The following TLK2 variants were observed in gnomAD, a reference collection of about 807,000 sequenced individuals.
The protein encoded by TLK2 is tousled like kinase 2.
TLK2 carries 6 observed loss-of-function variants against 117.3 expected under a neutral mutation model. That is an observed-to-expected ratio of 0.05 (90% CI 0.03 to 0.10). The LOEUF (loss-of-function observed/expected upper bound fraction) is 0.10, where lower values mean the gene tolerates loss of function less well. Among genes scored for constraint, TLK2 ranks in the 10% least tolerant of loss-of-function variants. TLK2 has a pLI of 1.00. For missense variants in TLK2, 299 were observed against 901.2 expected (o/e 0.33, Z 8.56); for synonymous variants, 257 against 316.7 (o/e 0.81, Z 2.00).
intron 6 of TLK2, among the ~76,000 whole-genome samples, chr17:62,534,881 CTT>C (rs386386398): frequency 1.4e-5 from 1 of 72,986 alleles, no homozygotes. Context: ...TAATTCCAGT[CTT>C]TTTTTTTTTT....
At chr17:62,571,889 CG>C (rs1455147804) in intron 11 of TLK2, among the ~76,000 whole-genome samples, 5 of 148,026 alleles carry the variant, frequency 3.4e-5, no homozygotes, top group African/African-American at 1.2e-4. Flanking sequence ...TAGATTTTGC[CG>C]GGCACGGTGG....
At chr17:62,577,744 C>T (rs2080916305) in intron 13 of TLK2, among the ~76,000 whole-genome samples, 1 of 152,096 alleles carries the variant, frequency 6.6e-6, no homozygotes, top group Admixed American at 6.6e-5. Context: ...GTTCTCAGAG[C>T]TTGTTAAATA....
chr17:62,488,566 C>T (rs1206426996), intron 2 of TLK2, among the ~76,000 whole-genome samples: 1 of 152,044 alleles, frequency 6.6e-6, no homozygotes, highest in Non-Finnish European at 1.5e-5. Flanking sequence ...ATTTGATTTC[C>T]TCCTTATTTC....
intron 7 of TLK2, 150 bp from the exon 8 acceptor site, chr17:62,552,152 C>G: frequency 2.3e-6 from 2 of 886,980 alleles, no homozygotes; most frequent in South Asian, 1.7e-5. Context: ...GTTTTACTTT[C>G]TTCTTGGCCA....
intron 6 of TLK2, among the ~76,000 whole-genome samples, chr17:62,531,982 G>T (rs984330614): frequency 6.6e-5 from 10 of 152,112 alleles, no homozygotes; most frequent in Non-Finnish European, 1.5e-4. Flanking sequence ...TCTCCCTTGG[G>T]TGGGCTTTGG....
intron 19 of TLK2, 115 bp downstream of exon 19, chr17:62,602,295 CAAAGCAGA>C: frequency 9.5e-7 from 1 of 1,048,416 alleles, no homozygotes; most frequent in South Asian, 2.3e-5. Context: ...TGCCATAAAC[CAAAGCAGA>C]CTTTCTCCCC....
intron 2 of TLK2, among the ~76,000 whole-genome samples, chr17:62,492,999 G>T (rs879368511): frequency 6.6e-6 from 1 of 152,096 alleles, no homozygotes; most frequent in Non-Finnish European, 1.5e-5. Flanking sequence ...TTAGGAGGCT[G>T]ATGCAAGAGA....
At chr17:62,565,583 T>A (rs1206116450) in intron 11 of TLK2, among the ~76,000 whole-genome samples, 1 of 133,528 alleles carries the variant, frequency 7.5e-6, no homozygotes, top group Non-Finnish European at 1.5e-5. Context: ...ACCTGGGAGG[T>A]GGAGGTTGCA....
intron 2 of TLK2, chr17:62,516,562 C>T: frequency 6.2e-7 from 1 of 1,609,464 alleles, no homozygotes. Context: ...GGTAAGGTAC[C>T]AGTAGAAATG....
chr17:62,539,782 C>T lies in TLK2; in HGVS notation c.531+3445C>T, dbSNP rs142146949. On this transcript the variant is annotated intron_variant, in intron 7 of 21. Transcript: ENST00000346027. ...CTCCCCAAAGTTCTGGGATTACAGA[C>T]GGGAGCCACCACACCCAGCCTTCTT... Among the ~76,000 whole-genome samples the T allele has an allele frequency of 5.6e-3, 851 of 152,220 alleles. 7 individuals are homozygous for T. Among genetic ancestry groups the T allele is most frequent in the African/African-American group, 0.02 (821 of 41,554 alleles).
chr17:62,547,975 ATTGT>A (rs1432993735), intron 7 of TLK2, among the ~76,000 whole-genome samples: 19 of 151,978 alleles, frequency 1.3e-4, no homozygotes, highest in African/African-American at 4.6e-4. Context: ...TTGGTATCTG[ATTGT>A]TTGTATTATA....
At chr17:62,494,346 G>A (rs2073427099) in intron 2 of TLK2, among the ~76,000 whole-genome samples, 1 of 151,984 alleles carries the variant, frequency 6.6e-6, no homozygotes, top group African/African-American at 2.4e-5. Context: ...GCCTCCGAAA[G>A]TGCTGGGATT....
rs199986685 is a variant in TLK2, at chr17:62,523,126, A to G, written c.224-8A>G. On this transcript the variant is annotated splice_polypyrimidine_tract_variant and splice_region_variant and intron_variant, in intron 4 of 21. Coordinates refer to ENST00000346027, the MANE Select transcript of TLK2 (RefSeq NM_006852.6). ...GAAAAACTGTATTTACTTTGGTTTCATTTTCAGGGAAAGGCACTCCTAGGG... is the reference window on the plus strand; with the variant it reads ...GAAAAACTGTATTTACTTTGGTTTCGTTTTCAGGGAAAGGCACTCCTAGGG... The G allele has an allele frequency of 2.4e-4, 381 of 1,588,618 alleles. 2 individuals carry two copies. The Middle Eastern group carries it at 5.9e-3, about 25-fold the overall frequency.
chr17:62,540,418 T>TTTTTTTTTTTTTG, intron 7 of TLK2, among the ~76,000 whole-genome samples: 1 of 114,718 alleles, frequency 8.7e-6, no homozygotes, highest in Non-Finnish European at 1.8e-5. Flanking sequence ...TTTTTTTTTT[T>TTTTTTTTTTTTTG]TTTTTGAGAC....
intron 2 of TLK2, among the ~76,000 whole-genome samples, chr17:62,504,552 T>G (rs894094628): frequency 6.6e-6 from 1 of 152,156 alleles, no homozygotes; most frequent in Non-Finnish European, 1.5e-5. Flanking sequence ...GCCTATAATC[T>G]GTGCACTTTG....
intron 16 of TLK2, among the ~76,000 whole-genome samples, chr17:62,592,356 A>G (rs372219793): frequency 1.4e-4 from 22 of 152,342 alleles, no homozygotes; most frequent in African/African-American, 5.1e-4. Context: ...TATACAGTAC[A>G]CTTTTGTTCC....
intron 2 of TLK2, among the ~76,000 whole-genome samples, chr17:62,515,065 C>T (rs996211865): frequency 5.3e-5 from 8 of 152,238 alleles, no homozygotes; most frequent in Non-Finnish European, 8.8e-5. Context: ...TACCATTCTA[C>T]TTTCTGACTC....
intron 12 of TLK2, among the ~76,000 whole-genome samples, chr17:62,573,616 T>C (rs1490229429): frequency 1.3e-5 from 2 of 152,246 alleles, no homozygotes; most frequent in African/African-American, 4.8e-5. Context: ...TCATGACTTT[T>C]GGCCACTCCT....
chr17:62,546,272 C>G (rs1203932438), intron 7 of TLK2, among the ~76,000 whole-genome samples: 2 of 151,228 alleles, frequency 1.3e-5, no homozygotes, highest in Non-Finnish European at 2.9e-5. Flanking sequence ...TTTGGCTTCC[C>G]AAAGTACTGC....
Sources: allele counts gnomAD v4.1 joint callset (sites outside exome capture counted in the v4.1 genomes callset), GRCh38; gene constraint gnomAD v4.1.1; transcripts MANE v1.5; gene names NCBI Gene and HGNC (gene_info 2026-07-23, HGNC 2026-07-21).